IQCH: variants seen among roughly 807,000 people sequenced by gnomAD.
IQCH encodes the protein IQ motif containing H.
In IQCH, 98 loss-of-function variants were observed where a neutral mutation model predicts 117.0. That is an observed-to-expected ratio of 0.84 (90% CI 0.71 to 0.99). The LOEUF (loss-of-function observed/expected upper bound fraction) is 0.99, where lower values mean the gene tolerates loss of function less well. IQCH is among the 50% of genes least tolerant of loss of function. IQCH has a pLI of 0.00. For synonymous variants in IQCH, 412 were observed against 448.2 expected, an observed-to-expected ratio of 0.92 and a Z score of 1.02; for missense variants, 1,102 against 1,243.8, an observed-to-expected ratio of 0.89 and a Z score of 1.72.
intron 4 of IQCH, among the ~76,000 whole-genome samples, chr15:67,284,861 T>A (rs1966501719): frequency 6.6e-6 from 1 of 152,190 alleles, no homozygotes; most frequent in Non-Finnish European, 1.5e-5. Context: ...CTATTATTGA[T>A]GGATATTTGG....
rs532472080 is a variant in IQCH, at chr15:67,490,170, T to C, written c.2861+106T>C. The C allele has an allele frequency of 1.5e-5, 12 of 809,784 alleles. No individual in the cohort carries two copies. In the South Asian group the frequency reaches 1.7e-4, roughly 11 times the overall value. The allele number at this position is 809,784 out of a possible 1,614,324, so 50.2% of individuals were successfully genotyped here. On this transcript the variant is annotated intron_variant, in intron 19 of 20. Transcript: ENST00000335894. The surrounding 1 kb of genome is among the most constrained non-coding windows in gnomAD (Gnocchi z 4.9). Reference sequence around the variant, plus strand: ...CATTTTAATCAGCATGCTGATTTATTAGAAGTCTATCTTTATTTAGATCTT... The same window carrying C: ...CATTTTAATCAGCATGCTGATTTATCAGAAGTCTATCTTTATTTAGATCTT...
In IQCH at chr15:67,472,991, GC is replaced by G. The variant is rs1349861732; in HGVS notation, c.2677-2704del. Among the ~76,000 whole-genome samples, 1 of 152,138 alleles carries G rather than the reference GC, an allele frequency of 6.6e-6. No homozygotes were observed. Among genetic ancestry groups the G allele is most frequent in the East Asian group, 1.9e-4 (1 of 5,192 alleles). ...ACTGGACAGTAAGCTCTTCTGCTGTGCTTTGGAGCCAAGATACATAGTATTG... is the reference window on the plus strand; with the variant it reads ...ACTGGACAGTAAGCTCTTCTGCTGTGTTTGGAGCCAAGATACATAGTATTG... On this transcript the variant is annotated intron_variant, in intron 17 of 20. Coordinates refer to ENST00000335894, the MANE Select transcript of IQCH (RefSeq NM_001031715.3). This position sits in a 1 kb window ranked among gnomAD's most constrained non-coding sequence, Gnocchi z 4.3.
At chr15:67,329,260 C>G (rs927198429) in intron 4 of IQCH, among the ~76,000 whole-genome samples, 3 of 150,254 alleles carry the variant, frequency 2.0e-5, no homozygotes, top group Non-Finnish European at 2.9e-5. Flanking sequence ...GATTACACCA[C>G]TGCACCCCAG....
intron 8 of IQCH, among the ~76,000 whole-genome samples, chr15:67,367,746 G>A (rs1449201266): frequency 6.6e-6 from 1 of 152,072 alleles, no homozygotes; most frequent in African/African-American, 2.4e-5. Flanking sequence ...GGGTGGGGAA[G>A]AGAAAACACC....
At chr15:67,262,028 G>A (rs1389047004) in intron 2 of IQCH, among the ~76,000 whole-genome samples, 1 of 152,104 alleles carries the variant, frequency 6.6e-6, no homozygotes. Context: ...AGTTGAGGCT[G>A]CAGTAAGCCT....
At chr15:67,279,311 T>G (rs1469109615) in intron 3 of IQCH, 84 bp from the exon 4 acceptor site, 16 of 703,016 alleles carry the variant, frequency 2.3e-5, no homozygotes, top group Non-Finnish European at 7.5e-6. Flanking sequence ...ATAAGCTTAA[T>G]TAGGAAGCAT....
At chr15:67,410,336 A>T (rs1211526497) in intron 14 of IQCH, among the ~76,000 whole-genome samples, 1 of 152,250 alleles carries the variant, frequency 6.6e-6, no homozygotes, top group African/African-American at 2.4e-5. Context: ...CTGGCTTCAG[A>T]CAAGGCTCAA....
chr15:67,429,782 C>A (rs2081981210), intron 16 of IQCH, among the ~76,000 whole-genome samples: 2 of 152,008 alleles, frequency 1.3e-5, no homozygotes, highest in South Asian at 4.1e-4. Flanking sequence ...GACTGGGGGC[C>A]AAGGCAAAAT....
rs765269063 is a variant in IQCH at position 67,395,459 on chromosome 15, G to A, written c.1801G>A (p.Glu601Lys). Residue 601 changes from glutamate to lysine, a missense_variant, in exon 13 of 21, where the codon GAA (glutamate) becomes AAA (lysine). This residue lies in a region of IQCH where 650 missense variants were observed against 794.3 expected (regional missense o/e 0.82). Coordinates refer to ENST00000335894, the MANE Select transcript of IQCH (RefSeq NM_001031715.3). The surrounding 1 kb of genome is among the most constrained non-coding windows in gnomAD (Gnocchi z 4.0). ...LDIPILGSEP[E>K]LAHLYSTKSG... Reference sequence around the variant, plus strand: ...CATACCCATCCTGGGCTCTGAGCCTGAACTAGCTCATCTTTATAGTACCAA... The same window carrying A: ...CATACCCATCCTGGGCTCTGAGCCTAAACTAGCTCATCTTTATAGTACCAA... 1.9e-6 allele frequency: 3 copies of A among 1,614,074 alleles called. No homozygotes were observed. In the East Asian group the frequency reaches 6.7e-5, roughly 36 times the overall value.
chr15:67,355,097 T>C (rs1969832948), intron 6 of IQCH, among the ~76,000 whole-genome samples: 1 of 152,244 alleles, frequency 6.6e-6, no homozygotes, highest in Admixed American at 6.5e-5. Context: ...AGAATGATGT[T>C]ATGCTTATTC....
rs563308219 is a variant in IQCH, at chr15:67,314,135, A to G, written c.388-22840A>G. Among the ~76,000 whole-genome samples the G allele has an allele frequency of 7.9e-5, 12 of 152,192 alleles. No homozygotes were observed. In the South Asian group the frequency reaches 1.5e-3, roughly 18 times the overall value. Reference sequence around the variant, plus strand: ...GCTGTATGCCCCACTACTACTTACAATTCTGCCTGTAACCTCATCCCTGAT... The same window carrying G: ...GCTGTATGCCCCACTACTACTTACAGTTCTGCCTGTAACCTCATCCCTGAT... On this transcript the variant is annotated intron_variant, in intron 4 of 20. Coordinates refer to ENST00000335894, the MANE Select transcript of IQCH (RefSeq NM_001031715.3).
intron 4 of IQCH, among the ~76,000 whole-genome samples, chr15:67,291,968 T>C (rs1966765722): frequency 6.6e-6 from 1 of 152,216 alleles, no homozygotes; most frequent in African/African-American, 2.4e-5. Context: ...ATTCATGTTA[T>C]TAAATAAAAC....
rs1256135487 is a variant in IQCH at position 67,476,110 on chromosome 15, C to G, written c.2799+292C>G. ...GGCATTTTGGGGACCACCTCATGATCCTGAAGCAGGCCCTGAGCTTCCTGA... is the reference window on the plus strand; with the variant it reads ...GGCATTTTGGGGACCACCTCATGATGCTGAAGCAGGCCCTGAGCTTCCTGA... On this transcript the variant is annotated intron_variant, in intron 18 of 20. Transcript: ENST00000335894. The surrounding 1 kb of genome is among the most constrained non-coding windows in gnomAD (Gnocchi z 4.1). Among the ~76,000 whole-genome samples the G allele has an allele frequency of 1.3e-5, 2 of 152,248 alleles. No individual in the cohort carries two copies. Among genetic ancestry groups the G allele is most frequent in the African/African-American group, 4.8e-5 (2 of 41,476 alleles).
In IQCH at chr15:67,432,163, T is replaced by C. The variant is rs2082034449; in HGVS notation, c.2505+10586T>C. 6.6e-6 allele frequency among the ~76,000 whole-genome samples: 1 copy of C among 152,096 alleles called. No homozygotes were observed. Among genetic ancestry groups the C allele is most frequent in the African/African-American group, 2.4e-5 (1 of 41,404 alleles). On this transcript the variant is annotated intron_variant, in intron 16 of 20. Transcript: ENST00000335894. This position sits in a 1 kb window ranked among gnomAD's most constrained non-coding sequence, Gnocchi z 5.0. ...AAGGAAATTAAAGAAAATCCAAGCT[T>C]TAAGAAGAATTGATATGAAAACTAG...
At chr15:67,293,065 T>C (rs1463456350) in intron 4 of IQCH, among the ~76,000 whole-genome samples, 3 of 152,226 alleles carry the variant, frequency 2.0e-5, no homozygotes, top group African/African-American at 7.2e-5. Flanking sequence ...CTAGCTATAC[T>C]TGGGCAAGTC....
rs527916004 is a variant in IQCH at position 67,384,795 on chromosome 15, C to T, written c.1373-141C>T. Reference sequence around the variant, plus strand: ...CCCGAGAAACAAGCACCTCATTCTTCGGGATTGGGTTGTTTCTGTAAGATG... The same window carrying T: ...CCCGAGAAACAAGCACCTCATTCTTTGGGATTGGGTTGTTTCTGTAAGATG... On this transcript the variant is annotated intron_variant, in intron 10 of 20. Transcript: ENST00000335894. The surrounding 1 kb of genome is among the most constrained non-coding windows in gnomAD (Gnocchi z 4.3). 32 of 587,024 alleles carry T rather than the reference C, an allele frequency of 5.5e-5. No individual in the cohort carries two copies. In the East Asian group the frequency reaches 7.2e-4, roughly 13 times the overall value. The allele number at this position is 587,024 out of a possible 1,614,324, so 36.4% of individuals were successfully genotyped here. A position where few individuals can be genotyped will look rare whatever the true frequency, so the allele number is the denominator to read the frequency against.
chr15:67,445,085 GA>G lies in IQCH; in HGVS notation c.2506-20041del, dbSNP rs1203077926. Among the ~76,000 whole-genome samples, 1 of 152,052 alleles carries G rather than the reference GA, an allele frequency of 6.6e-6. No individual in the cohort carries two copies. The highest frequency in any genetic ancestry group is 1.5e-5 in the Non-Finnish European group (1 of 67,996). On this transcript the variant is annotated intron_variant, in intron 16 of 20. Coordinates refer to ENST00000335894, the MANE Select transcript of IQCH (RefSeq NM_001031715.3). This position sits in a 1 kb window ranked among gnomAD's most constrained non-coding sequence, Gnocchi z 4.3. Reference sequence around the variant, plus strand: ...ACTTGGAAAGTGGTGGCTTTGGTATGATTTTTTTTAAAGGAAATATCAGATA... The same window carrying G: ...ACTTGGAAAGTGGTGGCTTTGGTATGTTTTTTTTAAAGGAAATATCAGATA...
chr15:67,350,772 A>G (rs577229720), intron 6 of IQCH, among the ~76,000 whole-genome samples: 1 of 152,136 alleles, frequency 6.6e-6, no homozygotes, highest in Non-Finnish European at 1.5e-5. Context: ...TATGACTTAC[A>G]CATTTGCCAA....
chr15:67,431,085 G>A lies in IQCH; in HGVS notation c.2505+9508G>A, dbSNP rs1222946743. On this transcript the variant is annotated intron_variant, in intron 16 of 20. Coordinates refer to ENST00000335894, the MANE Select transcript of IQCH (RefSeq NM_001031715.3). This position sits in a 1 kb window ranked among gnomAD's most constrained non-coding sequence, Gnocchi z 4.8. The stretch of plus-strand genomic sequence containing the variant: ...GTAAGAAAGAGTGTATTCCAAGTGA[G>A]AAACAGGCTCACTTGGTGGGAAAGA... Among the ~76,000 whole-genome samples, 1 of 152,076 alleles carries A rather than the reference G, an allele frequency of 6.6e-6. No individual in the cohort carries two copies. Among genetic ancestry groups the A allele is most frequent in the Non-Finnish European group, 1.5e-5 (1 of 68,012 alleles).
Sources: gnomAD v4.1 joint callset for allele counts (sites outside exome capture counted in the v4.1 genomes callset) on GRCh38, gnomAD v4.1.1 for gene constraint, gnomAD v4.1.1 regional missense constraint, Gnocchi (gnomAD v3.1) non-coding constraint, MANE v1.5 for transcripts, NCBI Gene and HGNC (gene_info 2026-07-23, HGNC 2026-07-21) for gene names.